IL26: variants seen among roughly 807,000 people sequenced by gnomAD.
IL26 encodes interleukin 26, also known as interleukin-26.
IL26 carries 23 observed loss-of-function variants against 21.7 expected under a neutral mutation model. The ratio of observed to expected loss-of-function variants is 1.06; its 90% confidence interval spans 0.76 to 1.50. IL26 has a LOEUF of 1.50. Among genes scored for constraint, IL26 ranks in the 40% most tolerant of loss-of-function variants. The probability of loss-of-function intolerance (pLI) is 0.00; values close to 1 mark genes in which losing one functional copy is unlikely to be tolerated. For synonymous variants in IL26, 63 were observed against 67.8 expected (o/e 0.93, Z 0.34); for missense variants, 204 against 196.0 (o/e 1.04, Z -0.24).
intron 3 of IL26, among the ~76,000 whole-genome samples, chr12:68,219,420 T>C (rs947351333): frequency 6.6e-6 from 1 of 151,620 alleles, no homozygotes; most frequent in African/African-American, 2.4e-5. Context: ...AATAACACTC[T>C]TCTAATAACC....
At chr12:68,218,752 T>G (rs1348256298) in intron 3 of IL26, among the ~76,000 whole-genome samples, 2 of 151,876 alleles carry the variant, frequency 1.3e-5, no homozygotes, top group African/African-American at 2.4e-5. Flanking sequence ...ACAAGAAGCC[T>G]GAAGAAAACT....
At chr12:68,215,860 T>C (rs1358547686) in intron 3 of IL26, among the ~76,000 whole-genome samples, 1 of 151,718 alleles carries the variant, frequency 6.6e-6, no homozygotes, top group African/African-American at 2.4e-5. Context: ...TTATTTTTGT[T>C]TTTAGTAGAG....
chr12:68,214,015 T>C (rs1217834707), intron 3 of IL26, among the ~76,000 whole-genome samples: 2 of 152,170 alleles, frequency 1.3e-5, no homozygotes, highest in Non-Finnish European at 2.9e-5. Flanking sequence ...CTCTTAGGAC[T>C]GCTTTTGCTG....
chr12:68,218,372 G>C (rs929116856), intron 3 of IL26, among the ~76,000 whole-genome samples: 4 of 152,008 alleles, frequency 2.6e-5, no homozygotes, highest in Non-Finnish European at 5.9e-5. Context: ...ATGTTCAATA[G>C]AGCAATGGAA....
chr12:68,208,531 T>C (rs1868610348), intron 3 of IL26, among the ~76,000 whole-genome samples: 1 of 152,110 alleles, frequency 6.6e-6, no homozygotes, highest in South Asian at 2.1e-4. Context: ...GGAGTTTCAC[T>C]CTTGTGGCCC....
rs889102157 is a variant in IL26, at chr12:68,203,770, C to T, written c.364-1687G>A. 2.0e-5 allele frequency among the ~76,000 whole-genome samples: 3 copies of T among 152,010 alleles called. No homozygotes were observed. The East Asian group carries it at 5.8e-4, about 29-fold the overall frequency. Reference sequence around the variant, plus strand: ...TTGGGATGCTACCTTCAGATCAGACCCTGCATAGGAGGGAAGAGACTCTTC... The same window carrying T: ...TTGGGATGCTACCTTCAGATCAGACTCTGCATAGGAGGGAAGAGACTCTTC... On this transcript the variant is annotated intron_variant, in intron 3 of 4. Coordinates refer to ENST00000229134, the MANE Select transcript of IL26 (RefSeq NM_018402.2).
chr12:68,225,269 A>C lies in IL26; in HGVS notation c.243T>G (p.Phe81Leu). ...TGAAGAAGGACAGAAGCTGTTCTTG[A>C]AATTGACAGTTTTTCTAAAAATAAG... is the stretch of plus-strand genomic sequence containing the variant. The part of the protein sequence containing the change: ...TKKQFMKNCQ[F>L]QEQLLSFFME... Residue 81 changes from phenylalanine (F) to leucine (L), a missense_variant, in exon 3 of 5, where the codon TTT becomes TTG. Physicochemically the swap from Phe to Leu is conservative, Grantham distance 22. Transcript: ENST00000229134. The C allele has an allele frequency of 6.2e-7, 1 of 1,602,116 alleles. No individual in the cohort carries two copies.
At chr12:68,209,272 G>C (rs1012158356) in intron 3 of IL26, among the ~76,000 whole-genome samples, 2 of 152,212 alleles carry the variant, frequency 1.3e-5, no homozygotes, top group Non-Finnish European at 1.5e-5. Flanking sequence ...ACACGAGTAC[G>C]GAGGCTGCAA....
chr12:68,225,671 G>A lies in IL26; in HGVS notation c.86C>T (p.Thr29Ile). The A allele has an allele frequency of 3.1e-6, 5 of 1,614,076 alleles. No individual in the cohort carries two copies. Among genetic ancestry groups the A allele is most frequent in the Non-Finnish European group, 4.2e-6 (5 of 1,179,962 alleles). ...AIAKHKQSSF[T>I]KSCYPRGTLS... ...TGTTCCCCTTGGGTAACAACTTTTGGTGAAGGAAGATTGCTTGTGCTTGGC... is the reference window on the plus strand; with the variant it reads ...TGTTCCCCTTGGGTAACAACTTTTGATGAAGGAAGATTGCTTGTGCTTGGC... The change falls in exon 1 of 5, where the codon ACC becomes ATC. Residue 29 changes from threonine to isoleucine, a missense_variant. Coordinates refer to ENST00000229134, the MANE Select transcript of IL26 (RefSeq NM_018402.2).
At chr12:68,222,741 C>T (rs1166658594) in intron 3 of IL26, among the ~76,000 whole-genome samples, 1 of 152,184 alleles carries the variant, frequency 6.6e-6, no homozygotes, top group Non-Finnish European at 1.5e-5. Context: ...GACTTGATCA[C>T]TACTGCTCTG....
rs142950713 is a variant in IL26, at chr12:68,211,230, C to T, written c.364-9147G>A. 3.3e-3 allele frequency among the ~76,000 whole-genome samples: 508 copies of T among 152,324 alleles called. 4 individuals carry two copies. Among genetic ancestry groups the T allele is most frequent in the Non-Finnish European group, 4.4e-3 (297 of 68,016 alleles). On this transcript the variant is annotated intron_variant, in intron 3 of 4. Coordinates refer to ENST00000229134, the MANE Select transcript of IL26 (RefSeq NM_018402.2). The stretch of plus-strand genomic sequence containing the variant: ...CTTCCTTCACTTAACGTAAAAACCT[C>T]TGTTCCATCCATGTTGCTGCAAATG...
In IL26 at chr12:68,225,477, T is replaced by C. The variant is rs1191373826; in HGVS notation, c.195A>G (p.Arg65=). 6.3e-7 allele frequency: 1 copy of C among 1,589,830 alleles called. No individual in the cohort carries two copies. Among genetic ancestry groups the C allele is most frequent in the South Asian group, 1.1e-5 (1 of 90,018 alleles). ...GCTTTTTTGTTTTCTTTTTTAATAATCGTATATTTTTTATGCGGTCTTCCT... is the reference window on the plus strand; with the variant it reads ...GCTTTTTTGTTTTCTTTTTTAATAACCGTATATTTTTTATGCGGTCTTCCT... ...TIPEDRIKNI[R]LLKKKTKKQF... Residue 65 remains arginine (R), a synonymous_variant, in exon 2 of 5, where the codon CGA becomes CGG. Transcript: ENST00000229134.
At chr12:68,206,254 G>A (rs1868539365) in intron 3 of IL26, among the ~76,000 whole-genome samples, 1 of 151,980 alleles carries the variant, frequency 6.6e-6, no homozygotes, top group African/African-American at 2.4e-5. Flanking sequence ...TCCCTCCATT[G>A]GTGTTCTCTT....
intron 3 of IL26, among the ~76,000 whole-genome samples, chr12:68,214,731 G>A (rs1422901044): frequency 6.6e-6 from 1 of 152,062 alleles, no homozygotes; most frequent in Non-Finnish European, 1.5e-5. Flanking sequence ...CTTTATAGGT[G>A]AAGCAAGTTT....
chr12:68,205,849 C>G (rs997753132), intron 3 of IL26, among the ~76,000 whole-genome samples: 1 of 152,178 alleles, frequency 6.6e-6, no homozygotes, highest in Admixed American at 6.5e-5. Flanking sequence ...ATAATTGGAA[C>G]CCTTATGCCA....
chr12:68,224,415 CTA>C (rs1456636377), intron 3 of IL26, among the ~76,000 whole-genome samples: 2 of 152,102 alleles, frequency 1.3e-5, no homozygotes, highest in African/African-American at 4.8e-5. Flanking sequence ...CCACTGCTTG[CTA>C]TGACAGTGAC....
chr12:68,213,837 T>C (rs1326527588), intron 3 of IL26, among the ~76,000 whole-genome samples: 3 of 152,080 alleles, frequency 2.0e-5, no homozygotes, highest in African/African-American at 7.2e-5. Context: ...ACTTCCCTAT[T>C]GTTTTGTAGG....
intron 3 of IL26, among the ~76,000 whole-genome samples, chr12:68,210,118 A>G (rs1868665965): frequency 6.6e-6 from 1 of 152,022 alleles, no homozygotes; most frequent in Non-Finnish European, 1.5e-5. Flanking sequence ...CAGATGATAG[A>G]TAAGAGTGAC....
rs745389537 is a variant in IL26, at chr12:68,225,481, A to G, written c.191T>C (p.Ile64Thr). 1.9e-5 allele frequency: 31 copies of G among 1,591,580 alleles called. No individual in the cohort carries two copies. In the South Asian group the frequency reaches 3.0e-4, roughly 15 times the overall value. Residue 64 changes from isoleucine to threonine, a missense_variant, in exon 2 of 5, where the codon ATA (isoleucine) becomes ACA (threonine). Physicochemically the swap from Ile to Thr is moderately conservative, Grantham distance 89. Transcript: ENST00000229134. ...ATIPEDRIKN[I>T]RLLKKKTKKQ... is the part of the protein sequence containing the mutation. Reference sequence around the variant, plus strand: ...TTTTGTTTTCTTTTTTAATAATCGTATATTTTTTATGCGGTCTTCCTACAA... The same window carrying G: ...TTTTGTTTTCTTTTTTAATAATCGTGTATTTTTTATGCGGTCTTCCTACAA...
Sources: allele counts gnomAD v4.1 joint callset (sites outside exome capture counted in the v4.1 genomes callset), GRCh38; gene constraint gnomAD v4.1.1; transcripts MANE v1.5; gene names NCBI Gene and HGNC (gene_info 2026-07-23, HGNC 2026-07-21).